The following MRPL1 variants were observed in gnomAD, a reference collection of about 807,000 sequenced individuals.
MRPL1 encodes the protein large ribosomal subunit protein uL1m.
MRPL1 carries 28 observed loss-of-function variants against 38.0 expected under a neutral mutation model. The ratio of observed to expected loss-of-function variants is 0.74; its 90% CI spans 0.55 to 1.01. The LOEUF is 1.01. Among genes scored for constraint, MRPL1 ranks in the 50% least tolerant of loss-of-function variants. The pLI is 0.00. For missense variants in MRPL1, 358 were observed against 389.8 expected, an observed-to-expected ratio of 0.92 and a Z score of 0.69; for synonymous variants, 123 against 126.7, an observed-to-expected ratio of 0.97 and a Z score of 0.20.
intron 7 of MRPL1, among the ~76,000 whole-genome samples, chr4:77,928,576 T>C (rs1736770689): frequency 6.6e-6 from 1 of 152,168 alleles, no homozygotes; most frequent in Non-Finnish European, 1.5e-5. Context: ...AAATAAACTT[T>C]AGAATGTAAA....
intron 2 of MRPL1, among the ~76,000 whole-genome samples, chr4:77,878,658 T>C (rs1238656562): frequency 6.6e-6 from 1 of 152,088 alleles, no homozygotes; most frequent in African/African-American, 2.4e-5. Flanking sequence ...GGCGGGCAGA[T>C]CACAAGGTCT....
chr4:77,923,166 G>T (rs927081727), intron 7 of MRPL1, among the ~76,000 whole-genome samples: 2 of 152,038 alleles, frequency 1.3e-5, no homozygotes, highest in Non-Finnish European at 2.9e-5. Flanking sequence ...CGTGATCTTG[G>T]CTCACTGCAA....
intron 7 of MRPL1, among the ~76,000 whole-genome samples, chr4:77,946,617 A>G (rs184040289): frequency 1.3e-5 from 2 of 152,320 alleles, no homozygotes; most frequent in Non-Finnish European, 2.9e-5. Context: ...GAACTGATAT[A>G]TGTCCATATT....
At chr4:77,926,769 C>T (rs1736723008) in intron 7 of MRPL1, among the ~76,000 whole-genome samples, 1 of 151,860 alleles carries the variant, frequency 6.6e-6, no homozygotes, top group Admixed American at 6.6e-5. Context: ...CCACCGTGCC[C>T]AGCTAATTTT....
chr4:77,879,079 CT>C (rs1202275208), intron 2 of MRPL1, among the ~76,000 whole-genome samples: 4 of 152,132 alleles, frequency 2.6e-5, no homozygotes, highest in Non-Finnish European at 4.4e-5. Flanking sequence ...TGTCCTCTAC[CT>C]TCCCAAAAAT....
At chr4:77,935,406 T>C (rs1244419805) in intron 7 of MRPL1, among the ~76,000 whole-genome samples, 1 of 152,142 alleles carries the variant, frequency 6.6e-6, no homozygotes, top group African/African-American at 2.4e-5. Context: ...CTTTTTTTTT[T>C]CTTTTTGAGA....
At chr4:77,936,911 G>A (rs1301852543) in intron 7 of MRPL1, among the ~76,000 whole-genome samples, 3 of 152,086 alleles carry the variant, frequency 2.0e-5, no homozygotes, top group Non-Finnish European at 2.9e-5. Flanking sequence ...AATCGCCTGA[G>A]CCAAGGAGTT....
chr4:77,925,231 A>T (rs548718011), intron 7 of MRPL1, among the ~76,000 whole-genome samples: 82 of 152,306 alleles, frequency 5.4e-4, no homozygotes, highest in Middle Eastern at 3.4e-3. Flanking sequence ...TGTATGAAAA[A>T]TAATGAAATA....
chr4:77,888,569 C>G (rs1386033247), intron 5 of MRPL1, among the ~76,000 whole-genome samples: 2 of 151,852 alleles, frequency 1.3e-5, no homozygotes, highest in African/African-American at 4.8e-5. Context: ...GCTTGGAGAG[C>G]CTCTTTGAAA....
chr4:77,892,127 C>CTTTTTTTTTTTT (rs34043885), intron 5 of MRPL1, among the ~76,000 whole-genome samples: 1 of 145,006 alleles, frequency 6.9e-6, no homozygotes, highest in Non-Finnish European at 1.5e-5. Flanking sequence ...GTAGTCATTT[C>CTTTTTTTTTTTT]TTTTTTTTTT....
intron 7 of MRPL1, among the ~76,000 whole-genome samples, chr4:77,936,798 G>A (rs1165696247): frequency 6.6e-6 from 1 of 152,078 alleles, no homozygotes; most frequent in South Asian, 2.1e-4. Context: ...TGCATTCTGT[G>A]TCTATGTACG....
At position 77,913,175 on chromosome 4, in the gene MRPL1, C is replaced by T. The variant is rs574481056; in HGVS notation, c.777+3803C>T. Among the ~76,000 whole-genome samples the T allele has an allele frequency of 1.1e-3, 174 of 151,928 alleles. 2 individuals are homozygous for T. Among genetic ancestry groups the T allele is most frequent in the South Asian group, 5.0e-3 (24 of 4,814 alleles). On this transcript the variant is annotated intron_variant, in intron 7 of 8. Coordinates refer to ENST00000315567, the MANE Select transcript of MRPL1 (RefSeq NM_020236.4). ...CATAAAAGAAGAAATTGATAAATCA[C>T]CCTATAAAAATTAAAAGCTTCTACT...
intron 7 of MRPL1, among the ~76,000 whole-genome samples, chr4:77,934,561 A>T (rs567800233): frequency 6.6e-6 from 1 of 152,342 alleles, no homozygotes; most frequent in Admixed American, 6.5e-5. Context: ...GGATATAGGG[A>T]AACTGGAACT....
intron 6 of MRPL1, among the ~76,000 whole-genome samples, chr4:77,898,437 C>T (rs1437372445): frequency 2.6e-5 from 4 of 152,006 alleles, no homozygotes; most frequent in Non-Finnish European, 2.9e-5. Flanking sequence ...TTTAATCCAG[C>T]ACTCATTCAG....
chr4:77,909,518 C>CT (rs34346052), intron 7 of MRPL1, 146 bp downstream of exon 7: 1 of 559,042 alleles, frequency 1.8e-6, no homozygotes, highest in East Asian at 3.2e-5. Flanking sequence ...CGCATAGATA[C>CT]TTTTTTTATT....
At chr4:77,925,171 C>G (rs550090151) in intron 7 of MRPL1, among the ~76,000 whole-genome samples, 1 of 152,128 alleles carries the variant, frequency 6.6e-6, no homozygotes, top group African/African-American at 2.4e-5. Flanking sequence ...AGTACTTCAC[C>G]CGTAAACATT....
chr4:77,870,290 G>T (rs1735250332), intron 1 of MRPL1, among the ~76,000 whole-genome samples: 1 of 152,178 alleles, frequency 6.6e-6, no homozygotes, highest in Admixed American at 6.6e-5. Context: ...TTCCAAGGTT[G>T]TTAGGTTCTT....
chr4:77,883,858 A>G (rs576943180), intron 3 of MRPL1, among the ~76,000 whole-genome samples: 5 of 152,172 alleles, frequency 3.3e-5, no homozygotes. Context: ...GATTACATGC[A>G]TGAGCCACTG....
rs189430087 is a variant in MRPL1, at chr4:77,909,441, A to C, written c.777+69A>C. On this transcript the variant is annotated intron_variant, in intron 7 of 8. Transcript: ENST00000315567. ...GTTCAAGTATTCTTCAGTAATTTAT[A>C]ATATTATAAAATGCCAGTCATTTGA... The C allele has an allele frequency of 1.1e-3, 1,069 of 942,170 alleles. 2 individuals carry two copies. The highest frequency in any genetic ancestry group is 1.5e-3 in the Non-Finnish European group (926 of 616,188). The allele number at this position is 942,170 out of a possible 1,614,324, so 58.4% of individuals were successfully genotyped here. A position where few individuals can be genotyped will look rare whatever the true frequency, so the allele number is the denominator to read the frequency against.
Sources: gnomAD v4.1 joint callset for allele counts (sites outside exome capture counted in the v4.1 genomes callset) on GRCh38, gnomAD v4.1.1 for gene constraint, MANE v1.5 for transcripts, NCBI Gene and HGNC (gene_info 2026-07-23, HGNC 2026-07-21) for gene names.